ACSM1: variants seen among roughly 807,000 people sequenced by gnomAD.
ACSM1 encodes the protein acyl-CoA synthetase medium chain family member 1.
ACSM1 carries 79 observed loss-of-function variants against 75.8 expected under a neutral mutation model. That is an observed-to-expected ratio of 1.04 (90% CI 0.87 to 1.26). The LOEUF (loss-of-function observed/expected upper bound fraction) is 1.26. ACSM1 is among the 50% of genes most tolerant of loss of function. The pLI, the probability that ACSM1 is intolerant of heterozygous loss-of-function variation, is 0.00. For missense variants in ACSM1, 676 were observed against 720.1 expected, an observed-to-expected ratio of 0.94 and a Z score of 0.70; for synonymous variants, 279 against 265.8, an observed-to-expected ratio of 1.05 and a Z score of -0.48.
chr16:20,685,492 A>G (rs1055099633), intron 2 of ACSM1, 89 bp from the exon 3 acceptor site: 18 of 1,209,058 alleles, frequency 1.5e-5, no homozygotes, highest in Admixed American at 1.0e-4. Context: ...TCACGTTCCA[A>G]TGTGAACACA....
At chr16:20,666,049 C>A (rs923663694) in intron 6 of ACSM1, among the ~76,000 whole-genome samples, 3 of 152,068 alleles carry the variant, frequency 2.0e-5, no homozygotes, top group Admixed American at 6.6e-5. Context: ...AAAGCTGGAA[C>A]CATTTCCCAT....
chr16:20,645,935 A>G (rs914777386), intron 7 of ACSM1, among the ~76,000 whole-genome samples: 1 of 152,170 alleles, frequency 6.6e-6, no homozygotes. Context: ...CTGTCACCTG[A>G]CTCTACTGAA....
rs1555473775 is a variant in ACSM1, at chr16:20,672,471, A to AAAATATAT, written c.612-801_612-800insATATATTT. Among the ~76,000 whole-genome samples, 31 of 64,538 alleles carry AAAATATAT rather than the reference A, an allele frequency of 4.8e-4. 1 individual carries two copies. Among genetic ancestry groups the AAAATATAT allele is most frequent in the South Asian group, 4.0e-3 (7 of 1,762 alleles). The allele number at this position is 64,538 out of a possible 152,430, so 42.3% of individuals were successfully genotyped here. A position where few individuals can be genotyped will look rare whatever the true frequency, so the allele number is the denominator to read the frequency against. ...CTCAAAAAAAAAAAAAAAAAAAAAA[A>AAAATATAT]ATATATATATATATATATATATATA... On this transcript the variant is annotated intron_variant, in intron 4 of 13. Transcript: ENST00000520010.
At chr16:20,661,422 A>T (rs1304597414) in intron 7 of ACSM1, among the ~76,000 whole-genome samples, 1 of 152,184 alleles carries the variant, frequency 6.6e-6, no homozygotes, top group African/African-American at 2.4e-5. Context: ...TGTTTCCTTT[A>T]AGGGAGATGG....
chr16:20,627,069 C>A, intron 11 of ACSM1, 120 bp downstream of exon 11: 1 of 1,324,134 alleles, frequency 7.6e-7, no homozygotes, highest in Non-Finnish European at 1.0e-6. Context: ...GCACCATAGA[C>A]ACGGCTCTAT....
In ACSM1 at chr16:20,691,226, A is replaced by C; in HGVS notation, c.-38T>G. On this transcript the variant is annotated 5_prime_UTR_variant, in exon 2 of 14. Coordinates refer to ENST00000520010, the MANE Select transcript of ACSM1 (RefSeq NM_001318890.3). ...CTCAGAAACCAGGCACAGAGTTCTC[A>C]AGTCACCACCTGCCTTGGGAAGAGA... is the stretch of plus-strand genomic sequence containing the variant. 2 of 1,494,806 alleles carry C rather than the reference A, an allele frequency of 1.3e-6. No individual in the cohort carries two copies. Among genetic ancestry groups the C allele is most frequent in the Non-Finnish European group, 1.8e-6 (2 of 1,121,178 alleles). The allele number at this position is 1,494,806 out of a possible 1,614,324, so 92.6% of individuals were successfully genotyped here.
At chr16:20,639,679 C>T (rs1041984979) in intron 8 of ACSM1, among the ~76,000 whole-genome samples, 2 of 152,220 alleles carry the variant, frequency 1.3e-5, no homozygotes, top group African/African-American at 2.4e-5. Context: ...TAGCCTAGAA[C>T]TCTAGAGCCT....
chr16:20,656,878 C>T (rs1009682224), intron 7 of ACSM1, among the ~76,000 whole-genome samples: 1 of 147,460 alleles, frequency 6.8e-6, no homozygotes, highest in Non-Finnish European at 1.5e-5. Flanking sequence ...ACCAAACCCT[C>T]CAAATCAAGA....
chr16:20,629,990 C>CAAAAAAAAAAAAAAAAAAAAAAAAA (rs558208317), intron 10 of ACSM1, among the ~76,000 whole-genome samples: 1 of 81,030 alleles, frequency 1.2e-5, no homozygotes. Context: ...GACTCCAACT[C>CAAAAAAAAAAAAAAAAAAAAAAAAA]AAAAAAAAAA....
At chr16:20,671,746 CAT>C in intron 4 of ACSM1, 75 bp from the exon 5 acceptor site, 1 of 1,421,854 alleles carries the variant, frequency 7.0e-7, no homozygotes, top group African/African-American at 1.4e-5. Flanking sequence ...GCAAAAGAAA[CAT>C]AAGGCACGGA....
intron 7 of ACSM1, among the ~76,000 whole-genome samples, chr16:20,655,138 T>C (rs930099826): frequency 2.6e-5 from 4 of 151,230 alleles, no homozygotes; most frequent in Non-Finnish European, 5.9e-5. Context: ...CTCAGCAAAC[T>C]ATCACAAGGA....
intron 8 of ACSM1, 72 bp downstream of exon 8, chr16:20,640,388 AT>A (rs921514352): frequency 1.4e-5 from 22 of 1,575,720 alleles, no homozygotes; most frequent in South Asian, 2.2e-5. Context: ...GATGCGTGTC[AT>A]TAACCTTAGC....
rs151251662 is a variant in ACSM1 at position 20,654,393 on chromosome 16, G to A, written c.992+7401C>T. ...AGCAATGGCAACAAAAACCAAAATCGACAAATGGGATCTATTTAAACTAAA... is the reference window on the plus strand; with the variant it reads ...AGCAATGGCAACAAAAACCAAAATCAACAAATGGGATCTATTTAAACTAAA... On this transcript the variant is annotated intron_variant, in intron 7 of 13. Transcript: ENST00000520010. Among the ~76,000 whole-genome samples the A allele has an allele frequency of 5.9e-4, 89 of 152,136 alleles. No homozygotes were observed. In the East Asian group the frequency reaches 0.017, roughly 29 times the overall value.
intron 4 of ACSM1, chr16:20,674,176 C>A: frequency 4.9e-6 from 2 of 408,578 alleles, no homozygotes; most frequent in Non-Finnish European, 9.9e-6. Context: ...ACCCAGTTGC[C>A]CCAGAGGAAG....
At chr16:20,672,175 C>T (rs1447178103) in intron 4 of ACSM1, among the ~76,000 whole-genome samples, 5 of 151,436 alleles carry the variant, frequency 3.3e-5, no homozygotes, top group Admixed American at 6.6e-5. Context: ...CAAACTCAGT[C>T]GGCATCCTAG....
intron 7 of ACSM1, among the ~76,000 whole-genome samples, chr16:20,656,152 C>T (rs2018946107): frequency 6.6e-6 from 1 of 152,038 alleles, no homozygotes; most frequent in South Asian, 2.1e-4. Context: ...TTTTTGAAAA[C>T]AGGCAAGTGA....
At chr16:20,677,437 C>CT (rs1455776726) in intron 4 of ACSM1, among the ~76,000 whole-genome samples, 1 of 152,166 alleles carries the variant, frequency 6.6e-6, no homozygotes, top group East Asian at 1.9e-4. Flanking sequence ...AAAGCAATAG[C>CT]TGCCACTGCC....
chr16:20,692,438 A>T (rs1426726344), intron 1 of ACSM1, among the ~76,000 whole-genome samples: 2 of 152,174 alleles, frequency 1.3e-5, no homozygotes, highest in African/African-American at 2.4e-5. Context: ...TTATTTGAAG[A>T]CCTGGGATTA....
At chr16:20,637,294 G>T in intron 9 of ACSM1, 77 bp downstream of exon 9, 3 of 1,120,734 alleles carry the variant, frequency 2.7e-6, no homozygotes, top group South Asian at 1.2e-5. Flanking sequence ...AGTGCGGCTG[G>T]TGTTGTCACC....
Sources: allele counts gnomAD v4.1 joint callset (sites outside exome capture counted in the v4.1 genomes callset), GRCh38; gene constraint gnomAD v4.1.1; transcripts MANE v1.5; gene names NCBI Gene and HGNC (gene_info 2026-07-23, HGNC 2026-07-21).